Variants in ZNF695 observed in about 807,000 individuals in gnomAD.
ZNF695 encodes the protein zinc finger protein SBZF3.
In ZNF695, 11 loss-of-function variants were observed where a neutral mutation model predicts 11.2. The observed-to-expected ratio is 0.98, with a 90% CI of 0.62 to 1.62. The LOEUF (loss-of-function observed/expected upper bound fraction) is 1.62, where lower values mean the gene tolerates loss of function less well. ZNF695 is among the 40% of genes most tolerant of loss of function. ZNF695 has a pLI of 0.00. For missense variants in ZNF695, 559 were observed against 590.5 expected, an observed-to-expected ratio of 0.95 and a Z score of 0.55; for synonymous variants, 190 against 201.4, an observed-to-expected ratio of 0.94 and a Z score of 0.48.
At chr1:246,949,190 T>C (rs1258507354) in intron 5 of ZNF695, among the ~76,000 whole-genome samples, 1 of 152,166 alleles carries the variant, frequency 6.6e-6, no homozygotes, top group East Asian at 1.9e-4. Flanking sequence ...TACCATATGA[T>C]GGTATTTTCT....
At chr1:246,991,446 G>A (rs954145064) in intron 3 of ZNF695, among the ~76,000 whole-genome samples, 3 of 152,104 alleles carry the variant, frequency 2.0e-5, no homozygotes, top group East Asian at 1.9e-4. Context: ...CTAATAATCC[G>A]AGCCAGAAAA....
Position 246,986,857 on chromosome 1 carries a change from T to A in ZNF695, c.*110A>T. On this transcript the variant is annotated 3_prime_UTR_variant, in exon 4 of 4. Transcript: ENST00000339986. The stretch of plus-strand genomic sequence containing the variant: ...AGGCTCATAGACTGTAAATGGCCTT[T>A]TGACAGTCATTACATTTGTAACACT... 6.9e-7 allele frequency: 1 copy of A among 1,454,120 alleles called. No individual in the cohort carries two copies. 90.1% of individuals were successfully genotyped at this position (1,454,120 alleles called of 1,614,324 possible).
intron 3 of ZNF695, 36 bp downstream of exon 3, chr1:246,999,312 C>T (rs551820322): frequency 2.7e-5 from 37 of 1,395,946 alleles, no homozygotes; most frequent in Non-Finnish European, 3.5e-5. Flanking sequence ...GATCCTTCAA[C>T]CCCTACCTGT....
chr1:246,950,897 A>T (rs1667856356), intron 5 of ZNF695, among the ~76,000 whole-genome samples: 1 of 152,126 alleles, frequency 6.6e-6, no homozygotes, highest in Non-Finnish European at 1.5e-5. Context: ...AACAGTAGCT[A>T]TTCTTATGAC....
intron 4 of ZNF695, among the ~76,000 whole-genome samples, chr1:246,975,530 G>A (rs543357314): frequency 2.6e-4 from 40 of 152,288 alleles, no homozygotes; most frequent in South Asian, 1.7e-3. Flanking sequence ...TGAAGTTTTG[G>A]ACTGAGGGCT....
At chr1:246,960,832 C>T (rs1213743888) in intron 5 of ZNF695, among the ~76,000 whole-genome samples, 1 of 152,122 alleles carries the variant, frequency 6.6e-6, no homozygotes, top group African/African-American at 2.4e-5. Flanking sequence ...ACTTGGGAGT[C>T]TGAGGTGGGA....
chr1:246,948,700 T>C (rs1385803072), intron 5 of ZNF695, among the ~76,000 whole-genome samples: 1 of 152,204 alleles, frequency 6.6e-6, no homozygotes, highest in African/African-American at 2.4e-5. Flanking sequence ...GTTGTTTTAG[T>C]GTGTCTGAGT....
At chr1:246,952,627 A>G (rs1667894976) in intron 5 of ZNF695, among the ~76,000 whole-genome samples, 1 of 151,336 alleles carries the variant, frequency 6.6e-6, no homozygotes, top group Non-Finnish European at 1.5e-5. Flanking sequence ...GCTTACTGCA[A>G]GCTTGAACTC....
At chr1:246,976,512 T>A (rs189912272) in intron 4 of ZNF695, among the ~76,000 whole-genome samples, 2 of 152,056 alleles carry the variant, frequency 1.3e-5, no homozygotes, top group African/African-American at 4.8e-5. Context: ...TAAATTACAC[T>A]GGCCGGGCGC....
At chr1:246,959,310 A>T (rs12739507) in intron 5 of ZNF695, among the ~76,000 whole-genome samples, 22 of 51,142 alleles carry the variant, frequency 4.3e-4, no homozygotes, top group Non-Finnish European at 6.1e-4. Context: ...AAAAAAAAAA[A>T]ATATATATAT....
chr1:246,976,149 TG>T (rs1444754674), intron 4 of ZNF695, among the ~76,000 whole-genome samples: 29 of 152,146 alleles, frequency 1.9e-4, no homozygotes, highest in Admixed American at 1.9e-3. Flanking sequence ...TGGTGTGCAA[TG>T]TTGCTGCCCT....
intron 3 of ZNF695, among the ~76,000 whole-genome samples, chr1:246,990,499 C>T (rs373208988): frequency 6.6e-6 from 1 of 152,124 alleles, no homozygotes; most frequent in Admixed American, 6.5e-5. Flanking sequence ...TAAAGAGAGG[C>T]CCCAGTACAG....
At chr1:247,000,762 G>C (rs956754784) in intron 1 of ZNF695, among the ~76,000 whole-genome samples, 2 of 152,210 alleles carry the variant, frequency 1.3e-5, no homozygotes, top group African/African-American at 2.4e-5. Context: ...AAGTATGTCA[G>C]TGAAGTAGGA....
intron 5 of ZNF695, among the ~76,000 whole-genome samples, chr1:246,963,215 T>C (rs1416851298): frequency 7.2e-5 from 11 of 152,190 alleles, no homozygotes; most frequent in African/African-American, 2.7e-4. Context: ...GCTTCTGCAT[T>C]CATTTATTCA....
chr1:246,955,278 C>G (rs1444063261), intron 5 of ZNF695, among the ~76,000 whole-genome samples: 1 of 152,134 alleles, frequency 6.6e-6, no homozygotes, highest in East Asian at 1.9e-4. Flanking sequence ...CCTATTGCTC[C>G]TAGGCTACAA....
intron 4 of ZNF695, among the ~76,000 whole-genome samples, chr1:246,970,842 C>T (rs948770508): frequency 7.9e-5 from 12 of 152,258 alleles, no homozygotes; most frequent in Non-Finnish European, 1.8e-4. Context: ...ACTTGGCTCA[C>T]TGCAACCTCC....
At chr1:246,973,510 C>T (rs924909671) in intron 4 of ZNF695, among the ~76,000 whole-genome samples, 1 of 152,136 alleles carries the variant, frequency 6.6e-6, no homozygotes, top group African/African-American at 2.4e-5. Context: ...TGAATGTGTA[C>T]CGTGAGTTGC....
chr1:246,989,145 A>G (rs1265667930), intron 3 of ZNF695, among the ~76,000 whole-genome samples: 5 of 150,100 alleles, frequency 3.3e-5, no homozygotes, highest in Non-Finnish European at 5.9e-5. Context: ...CATGCCTGTA[A>G]TCCTAGCTAC....
intron 3 of ZNF695, among the ~76,000 whole-genome samples, chr1:246,990,060 C>T (rs371568290): frequency 1.3e-4 from 17 of 133,986 alleles, no homozygotes; most frequent in South Asian, 7.3e-4. Flanking sequence ...GAGAGATGAA[C>T]GAGGGGAAAG....
Sources: gnomAD v4.1 joint callset for allele counts (sites outside exome capture counted in the v4.1 genomes callset) on GRCh38, gnomAD v4.1.1 for gene constraint, MANE v1.5 for transcripts, NCBI Gene and HGNC (gene_info 2026-07-23, HGNC 2026-07-21) for gene names.